The following LRBA variants were observed in gnomAD, a reference collection of about 807,000 sequenced individuals.
The protein encoded by LRBA is LPS responsive beige-like anchor protein, also known as lipopolysaccharide-responsive and beige-like anchor protein.
A neutral mutation model predicts 330.0 loss-of-function variants in LRBA; 176 were observed. That is an observed-to-expected ratio of 0.53 (90% confidence interval 0.47 to 0.60). The LOEUF (loss-of-function observed/expected upper bound fraction) is 0.60. Ranked by LOEUF, LRBA falls within the 20% of genes least tolerant of loss-of-function variation. The pLI, the probability that LRBA is intolerant of heterozygous loss-of-function variation, is 0.00. For missense variants in LRBA, 3,259 were observed against 3,444.8 expected (o/e 0.95, Z 1.35); for synonymous variants, 1,230 against 1,193.0 (o/e 1.03, Z -0.64).
chr4:150,919,622 C>T (rs1308867555), intron 5 of LRBA, among the ~76,000 whole-genome samples: 1 of 151,284 alleles, frequency 6.6e-6, no homozygotes, highest in Non-Finnish European at 1.5e-5. Context: ...ATAATTACAA[C>T]TCACAGACTG....
intron 36 of LRBA, among the ~76,000 whole-genome samples, chr4:150,715,640 GT>G (rs1187398929): frequency 2.0e-5 from 3 of 152,152 alleles, no homozygotes; most frequent in Admixed American, 2.0e-4. Flanking sequence ...TATGTTTTGT[GT>G]GTGCACAATT....
chr4:150,733,806 A>T (rs1386813385), intron 36 of LRBA, among the ~76,000 whole-genome samples: 1 of 152,088 alleles, frequency 6.6e-6, no homozygotes, highest in Non-Finnish European at 1.5e-5. Flanking sequence ...AAGAAAAGCT[A>T]TTAATTTTTT....
At chr4:150,899,957 C>A in intron 14 of LRBA, 92 bp downstream of exon 14, 8 of 872,130 alleles carry the variant, frequency 9.2e-6, no homozygotes, top group East Asian at 5.6e-5. Flanking sequence ...GAAAAACTGC[C>A]CAAATATATG....
chr4:150,332,657 C>T (rs113297628), intron 48 of LRBA, among the ~76,000 whole-genome samples: 758 of 12,042 alleles, frequency 0.063, 6 homozygotes, highest in African/African-American at 0.13. Flanking sequence ...TATATTAAAA[C>T]ATTTCAAAAA....
intron 40 of LRBA, among the ~76,000 whole-genome samples, chr4:150,525,141 C>T (rs1763318749): frequency 6.6e-6 from 1 of 151,914 alleles, no homozygotes; most frequent in Admixed American, 6.6e-5. Context: ...TAATATTTTT[C>T]TATTTATGTC....
At chr4:150,854,797 TAAC>T (rs1451485152) in intron 22 of LRBA, among the ~76,000 whole-genome samples, 3 of 152,076 alleles carry the variant, frequency 2.0e-5, no homozygotes. Context: ...GTATGATGAA[TAAC>T]AATAAAGCAA....
At chr4:150,475,562 T>C (rs976834693) in intron 42 of LRBA, among the ~76,000 whole-genome samples, 3 of 152,134 alleles carry the variant, frequency 2.0e-5, no homozygotes, top group African/African-American at 7.2e-5. Flanking sequence ...AATTTGTTGG[T>C]AGGAAGTTGT....
chr4:150,883,122 C>A (rs182553652), intron 17 of LRBA, among the ~76,000 whole-genome samples: 2 of 152,214 alleles, frequency 1.3e-5, no homozygotes, highest in Non-Finnish European at 2.9e-5. Flanking sequence ...TAATATGAAA[C>A]CTTTTCTTAA....
intron 35 of LRBA, among the ~76,000 whole-genome samples, chr4:150,744,158 C>A (rs1002661114): frequency 2.6e-5 from 4 of 152,154 alleles, no homozygotes; most frequent in Admixed American, 2.6e-4. Context: ...TGAATAACTT[C>A]CTCTGATTCT....
chr4:150,967,260 C>T (rs1373617388), intron 2 of LRBA, among the ~76,000 whole-genome samples: 3 of 152,164 alleles, frequency 2.0e-5, no homozygotes, highest in African/African-American at 7.2e-5. Context: ...ATCATCATGG[C>T]TTCTCATCAC....
chr4:150,387,375 G>A (rs1349569439), intron 47 of LRBA, among the ~76,000 whole-genome samples: 1 of 152,082 alleles, frequency 6.6e-6, no homozygotes, highest in Non-Finnish European at 1.5e-5. Context: ...ATAAGTATGT[G>A]CTGTAATATT....
At chr4:150,736,526 T>C (rs1160932708) in intron 35 of LRBA, among the ~76,000 whole-genome samples, 4 of 152,086 alleles carry the variant, frequency 2.6e-5, no homozygotes, top group Admixed American at 6.5e-5. Flanking sequence ...TACTGAAAGA[T>C]AGGTCAATGA....
At chr4:150,675,070 A>G (rs572248306) in intron 37 of LRBA, among the ~76,000 whole-genome samples, 1 of 152,132 alleles carries the variant, frequency 6.6e-6, no homozygotes, top group East Asian at 1.9e-4. Context: ...AAAAAAAAAT[A>G]GCCAGATGTG....
chr4:150,339,904 A>G (rs1277339241), intron 48 of LRBA, among the ~76,000 whole-genome samples: 1 of 143,260 alleles, frequency 7.0e-6, no homozygotes, highest in African/African-American at 2.6e-5. Context: ...CCCAAATCTC[A>G]TCTTGAATTG....
chr4:150,277,801 C>T lies in LRBA; in HGVS notation c.8468+52G>A, dbSNP rs1376439677. The T allele has an allele frequency of 7.0e-6, 11 of 1,569,378 alleles. No homozygotes were observed. In the African/African-American group the frequency reaches 1.1e-4, roughly 15 times the overall value. On this transcript the variant is annotated intron_variant, in intron 56 of 56. Coordinates refer to ENST00000651943, the MANE Select transcript of LRBA (RefSeq NM_001364905.1). ...ACAGGTGTAAGCCAACACGACCAGT[C>T]CCCTCTGCAGTTTTTGAAACCCCTA...
At chr4:151,008,235 C>A (rs1449248301) in intron 2 of LRBA, among the ~76,000 whole-genome samples, 1 of 151,864 alleles carries the variant, frequency 6.6e-6, no homozygotes, top group Admixed American at 6.6e-5. Flanking sequence ...CATGCGCCAC[C>A]ACACCTGGCT....
chr4:150,410,691 C>G (rs1746858513), intron 47 of LRBA, among the ~76,000 whole-genome samples: 1 of 152,060 alleles, frequency 6.6e-6, no homozygotes, highest in Non-Finnish European at 1.5e-5. Context: ...TCTTATTCAT[C>G]GAATCTAATA....
intron 40 of LRBA, among the ~76,000 whole-genome samples, chr4:150,541,036 A>T (rs2152224332): frequency 6.6e-6 from 1 of 152,256 alleles, no homozygotes; most frequent in Non-Finnish European, 1.5e-5. Flanking sequence ...AAACCTAACT[A>T]AAAAATGTTG....
At chr4:150,549,555 A>C (rs767877221) in intron 40 of LRBA, among the ~76,000 whole-genome samples, 5 of 151,454 alleles carry the variant, frequency 3.3e-5, no homozygotes, top group Non-Finnish European at 7.4e-5. Context: ...ATGGTCTCGA[A>C]CTCCTGACCT....
Sources: allele counts gnomAD v4.1 joint callset (sites outside exome capture counted in the v4.1 genomes callset), GRCh38; gene constraint gnomAD v4.1.1; transcripts MANE v1.5; gene names NCBI Gene and HGNC (gene_info 2026-07-23, HGNC 2026-07-21).